Variants in CALD1 observed in about 807,000 individuals in gnomAD.
CALD1 encodes the protein caldesmon.
Under a neutral mutation model 99.9 loss-of-function variants are expected in CALD1, and 33 were observed. The ratio of observed to expected loss-of-function variants is 0.33; its 90% CI spans 0.25 to 0.44. CALD1 has a LOEUF of 0.44. CALD1 is among the 20% of genes least tolerant of loss of function. CALD1 has a pLI of 1.00. For synonymous variants in CALD1, 310 were observed against 325.0 expected, an observed-to-expected ratio of 0.95 and a Z score of 0.50; for missense variants, 861 against 962.1, an observed-to-expected ratio of 0.89 and a Z score of 1.39.
At chr7:134,858,922 AAAACAT>A (rs1800438708) in intron 2 of CALD1, among the ~76,000 whole-genome samples, 2 of 152,208 alleles carry the variant, frequency 1.3e-5, no homozygotes, top group African/African-American at 4.8e-5. Flanking sequence ...TGCAGTGATG[AAAACAT>A]TCTCTGCACC....
intron 2 of CALD1, among the ~76,000 whole-genome samples, chr7:134,851,160 G>T (rs975895553): frequency 3.3e-5 from 5 of 152,160 alleles, no homozygotes; most frequent in African/African-American, 1.2e-4. Context: ...ATGCAGGGAT[G>T]CATATGTTCT....
At chr7:134,830,410 TA>T (rs1383242950) in intron 1 of CALD1, among the ~76,000 whole-genome samples, 8 of 152,126 alleles carry the variant, frequency 5.3e-5, no homozygotes, top group African/African-American at 1.7e-4. Context: ...ATTTTTTTTT[TA>T]ATTTTTAAGC....
At chr7:134,827,512 A>T (rs977812359) in intron 1 of CALD1, among the ~76,000 whole-genome samples, 5 of 152,220 alleles carry the variant, frequency 3.3e-5, no homozygotes, top group Non-Finnish European at 7.3e-5. Context: ...CAATGGAGCA[A>T]ATAAACAATT....
intron 1 of CALD1, among the ~76,000 whole-genome samples, chr7:134,771,978 G>A (rs111901513): frequency 6.6e-6 from 1 of 151,734 alleles, no homozygotes; most frequent in African/African-American, 2.4e-5. Flanking sequence ...TAACTAATGT[G>A]TATATCTGCC....
At chr7:134,755,229 G>A (rs1796717480) in intron 1 of CALD1, among the ~76,000 whole-genome samples, 1 of 152,140 alleles carries the variant, frequency 6.6e-6, no homozygotes. Context: ...TTGAACTCCT[G>A]ACCTCAAGTG....
chr7:134,927,252 G>A (rs1258525964), intron 3 of CALD1, among the ~76,000 whole-genome samples: 1 of 152,064 alleles, frequency 6.6e-6, no homozygotes, highest in East Asian at 1.9e-4. Flanking sequence ...AGTATTAGGA[G>A]AAACATATCT....
chr7:134,944,684 C>T (rs1321208197), intron 7 of CALD1: 2 of 152,054 alleles, frequency 1.3e-5, no homozygotes, highest in Non-Finnish European at 2.9e-5. Context: ...GTTCCTTAGA[C>T]AAAAGTGTCA....
the CALD1 span, among the ~76,000 whole-genome samples, chr7:134,716,427 G>A: frequency 6.6e-6 from 1 of 152,178 alleles, no homozygotes; most frequent in Non-Finnish European, 1.5e-5. Context: ...AAGACTCTGT[G>A]TTGCTTGCTT....
chr7:134,933,882 A>G lies in CALD1; in HGVS notation c.1113A>G (p.Gln371=). 1 of 1,613,170 alleles carries G rather than the reference A, an allele frequency of 6.2e-7. No individual in the cohort carries two copies. Among genetic ancestry groups the G allele is most frequent in the Non-Finnish European group, 8.5e-7 (1 of 1,179,640 alleles). The change falls in exon 5 of 15, where the codon CAA becomes CAG. Residue 371 remains glutamine, a synonymous_variant. Transcript: ENST00000361675. ...EEEKRAAEER[Q]RARAEEEEKA... is the part of the protein sequence containing the mutation. The stretch of plus-strand genomic sequence containing the variant: ...AGAAAAGGGCAGCAGAGGAGAGGCA[A>G]AGGGCCAGGGCAGAGGAGGAAGAGA...
chr7:134,771,481 T>C (rs1796877428), intron 1 of CALD1, among the ~76,000 whole-genome samples: 1 of 152,198 alleles, frequency 6.6e-6, no homozygotes. Context: ...TGAATCTCCA[T>C]GTCCTAGAAT....
rs1300946906 is a variant in CALD1 at position 134,965,372 on chromosome 7, ACTTC to A, written c.2364_2367del (p.Ser789ProfsTer22). On this transcript the variant is annotated frameshift_variant, in exon 14 of 15. Transcript: ENST00000361675. LOFTEE classifies it high-confidence loss of function. ...GGAAAAGCAATCTGTGGATAAGGTC[ACTTC>A]CCCCACTAAGGTAATCTATTGGGAA... 6.6e-7 allele frequency: 1 copy of A among 1,516,090 alleles called. No homozygotes were observed. Among genetic ancestry groups the A allele is most frequent in the Admixed American group, 1.7e-5 (1 of 59,910 alleles). The allele number at this position is 1,516,090 out of a possible 1,614,324, so 93.9% of individuals were successfully genotyped here. A position where few individuals can be genotyped will look rare whatever the true frequency, so the allele number is the denominator to read the frequency against.
At chr7:134,949,352 T>C (rs1159522534) in intron 8 of CALD1, among the ~76,000 whole-genome samples, 1 of 152,096 alleles carries the variant, frequency 6.6e-6, no homozygotes, top group African/African-American at 2.4e-5. Context: ...TCTCACAGCT[T>C]AAGAACTACC....
At chr7:134,928,428 CAAAAAAAAAAA>C (rs11355152) in intron 3 of CALD1, among the ~76,000 whole-genome samples, 2 of 55,650 alleles carry the variant, frequency 3.6e-5, no homozygotes, top group Non-Finnish European at 6.2e-5. Flanking sequence ...GACTGGGTCT[CAAAAAAAAAAA>C]AAAAAAAAAA....
In CALD1 at chr7:134,769,536, G is replaced by A. The variant is rs75667999; in HGVS notation, c.-130+25173G>A. On this transcript the variant is annotated intron_variant, in intron 1 of 13. Coordinates refer to the CALD1 transcript ENST00000417172. ...TTTTGACCTTTGCAGTGTTCTCTAA[G>A]TGGACTGTTTATCCTATGCCTATTT... is the stretch of plus-strand genomic sequence containing the variant. Among the ~76,000 whole-genome samples the A allele has an allele frequency of 8.5e-5, 13 of 152,194 alleles. No homozygotes were observed. The East Asian group carries it at 2.5e-3, about 29-fold the overall frequency.
In CALD1 at chr7:134,798,547, C is replaced by T. The variant is rs10488458; in HGVS notation, c.-130+18798C>T. On this transcript the variant is annotated intron_variant, in intron 1 of 14. Coordinates refer to ENST00000361675, the MANE Select transcript of CALD1 (RefSeq NM_033138.4). ...TTCATACCACAGTGACTTGTGAGAG[C>T]TTTGACATTAATAGAAGGTCCAAAA... Among the ~76,000 whole-genome samples, 673 of 152,324 alleles carry T rather than the reference C, an allele frequency of 4.4e-3. 4 individuals carry two copies. The highest frequency in any genetic ancestry group is 0.016 in the African/African-American group (650 of 41,562).
rs970513929 is a variant in CALD1 at position 134,960,114 on chromosome 7, G to A, written c.2199+3G>A. The stretch of plus-strand genomic sequence containing the variant: ...CTGCAGCAGGCACACCAAATAAGGT[G>A]AGCATCTGATTTTTGTCTCTTAAGT... On this transcript the variant is annotated splice_donor_region_variant and intron_variant, in intron 12 of 14. Transcript: ENST00000361675. The A allele has an allele frequency of 6.2e-7, 1 of 1,613,956 alleles. No homozygotes were observed. Among genetic ancestry groups the A allele is most frequent in the African/African-American group, 1.3e-5 (1 of 75,022 alleles).
At chr7:134,931,744 G>T (rs1296180615) in intron 4 of CALD1, among the ~76,000 whole-genome samples, 2 of 152,188 alleles carry the variant, frequency 1.3e-5, no homozygotes, top group Non-Finnish European at 2.9e-5. Flanking sequence ...GGAGGTGATG[G>T]ACAACAGTTT....
chr7:134,955,887 AGGATAGATGGAT>A (rs775209048), intron 9 of CALD1, among the ~76,000 whole-genome samples: 12 of 152,310 alleles, frequency 7.9e-5, no homozygotes, highest in South Asian at 4.1e-4. Flanking sequence ...GGATAAAAAT[AGGATAGATGGAT>A]GGATAGATGG....
the CALD1 span, among the ~76,000 whole-genome samples, chr7:134,727,904 C>T: frequency 6.6e-6 from 1 of 152,152 alleles, no homozygotes; most frequent in African/African-American, 2.4e-5. Context: ...CATAAGTTTT[C>T]TTTAACTTTG....
Sources: allele counts gnomAD v4.1 joint callset (sites outside exome capture counted in the v4.1 genomes callset), GRCh38; gene constraint gnomAD v4.1.1; transcripts MANE v1.5; gene names NCBI Gene and HGNC (gene_info 2026-07-23, HGNC 2026-07-21).